DDX55: variants seen among roughly 807,000 people sequenced by gnomAD.
DDX55 encodes the protein ATP-dependent RNA helicase DDX55.
Under a neutral mutation model 69.2 loss-of-function variants are expected in DDX55, and 56 were observed. That is an observed-to-expected ratio of 0.81 (90% CI 0.65 to 1.01). The LOEUF (loss-of-function observed/expected upper bound fraction) is 1.01. DDX55 is among the 50% of genes least tolerant of loss of function. The probability of loss-of-function intolerance (pLI) is 0.00; values close to 1 mark genes in which losing one functional copy is unlikely to be tolerated. For synonymous variants in DDX55, 268 were observed against 273.1 expected, an observed-to-expected ratio of 0.98 and a Z score of 0.18; for missense variants, 720 against 745.1, an observed-to-expected ratio of 0.97 and a Z score of 0.39.
rs555488177 is a variant in DDX55, at chr12:123,618,302, G to A, written c.1165-367G>A. ...GCTGGGATGACAGGCGTGAGCCACCGTGCCCGGCCACCCTGGTGGGCTTTA... is the reference window on the plus strand; with the variant it reads ...GCTGGGATGACAGGCGTGAGCCACCATGCCCGGCCACCCTGGTGGGCTTTA... On this transcript the variant is annotated intron_variant, in intron 11 of 13. Coordinates refer to ENST00000238146, the MANE Select transcript of DDX55 (RefSeq NM_020936.3). 11 of 526,540 alleles carry A rather than the reference G, an allele frequency of 2.1e-5. No individual in the cohort carries two copies. The East Asian group carries it at 2.5e-4, about 12-fold the overall frequency. 32.6% of individuals were successfully genotyped at this position (526,540 alleles called of 1,614,324 possible). A position where few individuals can be genotyped will look rare whatever the true frequency, so the allele number is the denominator to read the frequency against.
At chr12:123,618,502 T>C in intron 11 of DDX55, 167 bp from the exon 12 acceptor site, 2 of 1,534,926 alleles carry the variant, frequency 1.3e-6, no homozygotes, top group South Asian at 2.4e-5. Flanking sequence ...TTTAAAAATT[T>C]AACATACTTT....
chr12:123,619,759 C>T (rs1266550330), intron 13 of DDX55, 35 bp downstream of exon 13: 5 of 1,544,072 alleles, frequency 3.2e-6, no homozygotes, highest in Non-Finnish European at 4.3e-6. Flanking sequence ...AACTTAGAAT[C>T]TTGAACAAAT....
At chr12:123,605,388 A>G (rs1953826354) in intron 1 of DDX55, 1 of 176,146 alleles carries the variant, frequency 5.7e-6, no homozygotes, top group Admixed American at 5.4e-5. Flanking sequence ...GGGGTTGAGC[A>G]GGGGGATAGC....
chr12:123,605,662 C>A (rs1953840253), intron 1 of DDX55: 3 of 563,918 alleles, frequency 5.3e-6, no homozygotes, highest in African/African-American at 1.9e-5. Context: ...GTCTTCAACG[C>A]CTTCCTGGTT....
intron 7 of DDX55, among the ~76,000 whole-genome samples, chr12:123,610,967 C>T (rs192105904): frequency 1.1e-3 from 164 of 150,678 alleles, no homozygotes; most frequent in African/African-American, 3.8e-3. Flanking sequence ...ATGGCACGAT[C>T]TCGGCTCACT....
At chr12:123,616,794 C>T (rs1051853796) in intron 10 of DDX55, 191 bp downstream of exon 10, 2 of 641,308 alleles carry the variant, frequency 3.1e-6, no homozygotes, top group Admixed American at 5.2e-5. Flanking sequence ...GGTTTGAGGC[C>T]TTGCCGTGCT....
chr12:123,619,526 C>G lies in DDX55; in HGVS notation c.1428C>G (p.Pro476=). 2 of 1,613,806 alleles carry G rather than the reference C, an allele frequency of 1.2e-6. No homozygotes were observed. Among genetic ancestry groups the G allele is most frequent in the Non-Finnish European group, 1.7e-6 (2 of 1,179,952 alleles). The change falls in exon 13 of 14, where the codon CCC becomes CCG. Residue 476 remains proline, a synonymous_variant. Transcript: ENST00000238146. ...LRGKQFPDFV[P]VDVNTDTIPF... ...GAAAGCAGTTTCCAGATTTTGTGCC[C>G]GTGGACGTTAATACCGACACGATTC...
rs35576014 is a variant in DDX55 at position 123,610,605 on chromosome 12, C to CTTTT, written c.741+498_741+501dup. On this transcript the variant is annotated intron_variant, in intron 7 of 13. Transcript: ENST00000238146. ...GACCTGCATCAAATATGCTGAGTTT[C>CTTTT]TTTTTTTTTTTTTTTTTTTTTTTTG... Among the ~76,000 whole-genome samples the CTTTT allele has an allele frequency of 2.0e-3, 176 of 90,052 alleles. 2 individuals carry two copies. Among genetic ancestry groups the CTTTT allele is most frequent in the African/African-American group, 4.4e-3 (102 of 23,394 alleles). 59.1% of individuals were successfully genotyped at this position (90,052 alleles called of 152,430 possible).
intron 10 of DDX55, 27 bp from the exon 11 acceptor site, chr12:123,617,731 A>G (rs781206651): frequency 6.3e-6 from 10 of 1,586,868 alleles, no homozygotes; most frequent in South Asian, 2.3e-5. Context: ...TCACCTGGGT[A>G]CCCATTTCCA....
At chr12:123,618,116 A>G in intron 11 of DDX55, 1 of 438,478 alleles carries the variant, frequency 2.3e-6, no homozygotes, top group Non-Finnish European at 4.2e-6. Flanking sequence ...TCCCGGGTTC[A>G]ATGGATTCTC....
intron 1 of DDX55, chr12:123,605,323 C>G (rs1593669355): frequency 6.1e-6 from 1 of 163,640 alleles, no homozygotes; most frequent in African/African-American, 2.4e-5. Context: ...ACGCCTGGCC[C>G]ACCCTGGGTT....
chr12:123,618,447 T>C (rs563697217), intron 11 of DDX55: 49 of 1,397,548 alleles, frequency 3.5e-5, no homozygotes, highest in Admixed American at 6.9e-5. Context: ...CATACTTTGC[T>C]ACCAGATTAG....
intron 12 of DDX55, 46 bp from the exon 13 acceptor site, chr12:123,619,386 T>G (rs930425542): frequency 6.4e-7 from 1 of 1,571,890 alleles, no homozygotes; most frequent in African/African-American, 1.4e-5. Flanking sequence ...TACTGATTGT[T>G]CTAATCCTGT....
At position 123,607,324 on chromosome 12, in the gene DDX55, C is replaced by T. The variant is rs530099907; in HGVS notation, c.247-108C>T. The T allele has an allele frequency of 9.1e-6, 11 of 1,208,564 alleles. No individual in the cohort carries two copies. In the Admixed American group the frequency reaches 2.0e-4, roughly 22 times the overall value. The allele number at this position is 1,208,564 out of a possible 1,614,324, so 74.9% of individuals were successfully genotyped here. A position where few individuals can be genotyped will look rare whatever the true frequency, so the allele number is the denominator to read the frequency against. On this transcript the variant is annotated intron_variant, in intron 3 of 13. Coordinates refer to ENST00000238146, the MANE Select transcript of DDX55 (RefSeq NM_020936.3). ...TGCTGCTGAGAAAGTCTGGGAACTA[C>T]TGTTTCTCTGGAACTTTCCTTTGTG...
intron 9 of DDX55, among the ~76,000 whole-genome samples, chr12:123,615,767 G>A (rs1437978551): frequency 6.6e-6 from 1 of 152,156 alleles, no homozygotes; most frequent in Non-Finnish European, 1.5e-5. Context: ...GGTGGATCAC[G>A]AGGTCAGGAG....
chr12:123,610,605 CTTTTT>C (rs35576014), intron 7 of DDX55, among the ~76,000 whole-genome samples: 138 of 90,032 alleles, frequency 1.5e-3, no homozygotes, highest in African/African-American at 5.4e-3. Context: ...TGCTGAGTTT[CTTTTT>C]TTTTTTTTTT....
intron 13 of DDX55, 36 bp downstream of exon 13, chr12:123,619,760 T>G: frequency 6.5e-7 from 1 of 1,542,442 alleles, no homozygotes; most frequent in South Asian, 1.3e-5. Context: ...ACTTAGAATC[T>G]TGAACAAATT....
At chr12:123,611,512 C>T (rs1216182188) in intron 7 of DDX55, among the ~76,000 whole-genome samples, 1 of 152,198 alleles carries the variant, frequency 6.6e-6, no homozygotes, top group African/African-American at 2.4e-5. Context: ...TTAAATTTTT[C>T]GTTAGGCCTG....
rs752869604 is a variant in DDX55, at chr12:123,607,522, A to G, written c.337A>G (p.Ser113Gly). ...SHFTKHFPEF[S>G]QILWIGGRNP... ...TTTCACGAAGCACTTCCCCGAGTTC[A>G]GGTGAATTGGATGCAGTGTCCCTGT... The change falls in exon 4 of 14, where the codon AGC becomes GGC. Residue 113 changes from serine to glycine, a missense_variant and splice_region_variant. By Grantham distance (56) the Ser-to-Gly change is moderately conservative (BLOSUM62 0). Coordinates refer to ENST00000238146, the MANE Select transcript of DDX55 (RefSeq NM_020936.3). 3 of 1,614,180 alleles carry G rather than the reference A, an allele frequency of 1.9e-6. No homozygotes were observed. Among genetic ancestry groups the G allele is most frequent in the South Asian group, 1.1e-5 (1 of 91,084 alleles).
Sources: allele counts gnomAD v4.1 joint callset (sites outside exome capture counted in the v4.1 genomes callset), GRCh38; gene constraint gnomAD v4.1.1; transcripts MANE v1.5; gene names NCBI Gene and HGNC (gene_info 2026-07-23, HGNC 2026-07-21).